DPP9: variants seen among roughly 807,000 people sequenced by gnomAD.
DPP9 encodes dipeptidyl peptidase 9.
DPP9 carries 50 observed loss-of-function variants against 110.7 expected under a neutral mutation model. The ratio of observed to expected loss-of-function variants is 0.45; its 90% CI spans 0.36 to 0.57. The LOEUF is 0.57. Ranked by LOEUF, DPP9 falls within the 20% of genes least tolerant of loss-of-function variation. The probability of loss-of-function intolerance (pLI) is 0.00; values close to 1 mark genes in which losing one functional copy is unlikely to be tolerated. For synonymous variants in DPP9, 561 were observed against 514.4 expected (o/e 1.09, Z -1.23); for missense variants, 1,022 against 1,217.9 (o/e 0.84, Z 2.39).
At position 4,685,826 on chromosome 19, in the gene DPP9, AC is replaced by A; in HGVS notation, c.1886-56del. ...CCCGGGGAAGCCACATCCAGCTGACACCCTTGTTCTCCTGCCCACCCCAAGC... is the reference window on the plus strand; with the variant it reads ...CCCGGGGAAGCCACATCCAGCTGACACCTTGTTCTCCTGCCCACCCCAAGC... On this transcript the variant is annotated intron_variant, in intron 16 of 21. Coordinates refer to ENST00000262960, the MANE Select transcript of DPP9 (RefSeq NM_139159.5). This position sits in a 1 kb window ranked among gnomAD's most constrained non-coding sequence, Gnocchi z 5.8. The A allele has an allele frequency of 6.3e-7, 1 of 1,586,646 alleles. No homozygotes were observed. Among genetic ancestry groups the A allele is most frequent in the Admixed American group, 1.7e-5 (1 of 58,286 alleles).
chr19:4,684,460 G>A lies in DPP9; in HGVS notation c.2178+203C>T. The A allele has an allele frequency of 1.6e-6, 1 of 616,298 alleles. No homozygotes were observed. The highest frequency in any genetic ancestry group is 2.0e-5 in the South Asian group (1 of 49,562). 38.2% of individuals were successfully genotyped at this position (616,298 alleles called of 1,614,324 possible). On this transcript the variant is annotated intron_variant, in intron 18 of 21. Coordinates refer to ENST00000262960, the MANE Select transcript of DPP9 (RefSeq NM_139159.5). This position sits in a 1 kb window ranked among gnomAD's most constrained non-coding sequence, Gnocchi z 4.8. Reference sequence around the variant, plus strand: ...GTCAGCACAACTTGTCTCTGTCCCTGCAGGGCGCAGCCCAGAGCTGAGCAG... The same window carrying A: ...GTCAGCACAACTTGTCTCTGTCCCTACAGGGCGCAGCCCAGAGCTGAGCAG...
intron 18 of DPP9, 77 bp from the exon 19 acceptor site, chr19:4,683,706 T>C: frequency 6.2e-7 from 1 of 1,612,284 alleles, no homozygotes; most frequent in South Asian, 1.1e-5. Context: ...CTCTGCTCCT[T>C]TCAGGGCGTC....
intron 21 of DPP9, 47 bp downstream of exon 21, chr19:4,679,788 G>A: frequency 6.9e-7 from 1 of 1,455,708 alleles, no homozygotes; most frequent in South Asian, 1.2e-5. Flanking sequence ...CCACTCCCAG[G>A]GATCTGTCGG....
rs758508 is a variant in DPP9, at chr19:4,718,690, C to T, written c.56+1161G>A. ...TGCAGATAAGGGAAGGGACACAGAT[C>T]CCCTTCAGTAACTGACCCCTAAGGC... On this transcript the variant is annotated intron_variant, in intron 3 of 21. Coordinates refer to ENST00000262960, the MANE Select transcript of DPP9 (RefSeq NM_139159.5). This position sits in a 1 kb window ranked among gnomAD's most constrained non-coding sequence, Gnocchi z 4.3. 0.028 allele frequency among the ~76,000 whole-genome samples: 4,224 copies of T among 152,250 alleles called. 191 individuals are homozygous for T. The highest frequency in any genetic ancestry group is 0.096 in the African/African-American group (3,969 of 41,532).
intron 8 of DPP9, among the ~76,000 whole-genome samples, 196 bp from the exon 9 acceptor site, chr19:4,702,351 G>T (rs2092315858): frequency 6.6e-6 from 1 of 152,202 alleles, no homozygotes; most frequent in South Asian, 2.1e-4. Context: ...CTGTGCAGTG[G>T]GAAGCAGAGC....
chr19:4,685,517 G>T lies in DPP9; in HGVS notation c.2031+109C>A. The T allele has an allele frequency of 8.0e-7, 1 of 1,256,566 alleles. No homozygotes were observed. The highest frequency in any genetic ancestry group is 1.1e-6 in the Non-Finnish European group (1 of 902,310). 77.8% of individuals were successfully genotyped at this position (1,256,566 alleles called of 1,614,324 possible). ...GGTGGGCTGGGGCACCAGGCAGGTA[G>T]CCGGGGAGCCTCCTCTGGTTGACTG... On this transcript the variant is annotated intron_variant, in intron 17 of 21. Coordinates refer to ENST00000262960, the MANE Select transcript of DPP9 (RefSeq NM_139159.5). This position sits in a 1 kb window ranked among gnomAD's most constrained non-coding sequence, Gnocchi z 5.8.
chr19:4,681,745 T>C (rs1349849306), intron 20 of DPP9, among the ~76,000 whole-genome samples: 1 of 151,998 alleles, frequency 6.6e-6, no homozygotes, highest in African/African-American at 2.4e-5. Context: ...TTTGTATTTT[T>C]TTGTAGAGAC....
chr19:4,700,442 C>T lies in DPP9; in HGVS notation c.1013-165G>A, dbSNP rs1006078856. ...TCCCACGGTCTGTCTGTAGGCACAT[C>T]GTCCTGCTGGAACAGGCATGACACC... On this transcript the variant is annotated intron_variant, in intron 9 of 21. Transcript: ENST00000262960. This position sits in a 1 kb window ranked among gnomAD's most constrained non-coding sequence, Gnocchi z 4.3. Among the ~76,000 whole-genome samples, 2 of 152,198 alleles carry T rather than the reference C, an allele frequency of 1.3e-5. No homozygotes were observed. The highest frequency in any genetic ancestry group is 6.5e-5 in the Admixed American group (1 of 15,282).
rs1248814598 is a variant in DPP9 at position 4,680,041 on chromosome 19, C to T, written c.2475-95G>A. ...GGTCAGGAGTTTGAGACCAGCCTGG[C>T]CAACATGGTGAAACCCTGTCTCTAC... On this transcript the variant is annotated intron_variant, in intron 20 of 21. Transcript: ENST00000262960. 2.6e-5 allele frequency: 22 copies of T among 831,552 alleles called. No homozygotes were observed. The Admixed American group carries it at 4.6e-4, about 18-fold the overall frequency. 51.5% of individuals were successfully genotyped at this position (831,552 alleles called of 1,614,324 possible). A position where few individuals can be genotyped will look rare whatever the true frequency, so the allele number is the denominator to read the frequency against.
intron 2 of DPP9, among the ~76,000 whole-genome samples, chr19:4,720,275 G>A (rs142049076): frequency 6.6e-6 from 1 of 152,220 alleles, no homozygotes; most frequent in African/African-American, 2.4e-5. Context: ...TGTGGCCGTT[G>A]CCTGATGGCC....
At position 4,685,054 on chromosome 19, in the gene DPP9, C is replaced by A. The variant is rs1039378393; in HGVS notation, c.2032-245G>T. The A allele has an allele frequency of 6.0e-6, 4 of 665,616 alleles. No individual in the cohort carries two copies. Among genetic ancestry groups the A allele is most frequent in the Non-Finnish European group, 1.1e-5 (4 of 362,304 alleles). The allele number at this position is 665,616 out of a possible 1,614,324, so 41.2% of individuals were successfully genotyped here. A position where few individuals can be genotyped will look rare whatever the true frequency, so the allele number is the denominator to read the frequency against. ...CTCTTTCTCAGCTGGGCCACTGCCC[C>A]AGTCCTGCCTGGAACAACTACTCTG... On this transcript the variant is annotated intron_variant, in intron 17 of 21. Coordinates refer to ENST00000262960, the MANE Select transcript of DPP9 (RefSeq NM_139159.5). This position sits in a 1 kb window ranked among gnomAD's most constrained non-coding sequence, Gnocchi z 5.8.
rs1051544446 is a variant in DPP9, at chr19:4,698,467, C to T, written c.1075-816G>A. ...GCAAGGAGCCACTAAAACAGCCTGG[C>T]GGGGCCAGGTGCGGTGGCTCACACC... On this transcript the variant is annotated intron_variant, in intron 10 of 21. Coordinates refer to ENST00000262960, the MANE Select transcript of DPP9 (RefSeq NM_139159.5). This position sits in a 1 kb window ranked among gnomAD's most constrained non-coding sequence, Gnocchi z 4.2. Among the ~76,000 whole-genome samples, 1 of 152,178 alleles carries T rather than the reference C, an allele frequency of 6.6e-6. No individual in the cohort carries two copies. Among genetic ancestry groups the T allele is most frequent in the African/African-American group, 2.4e-5 (1 of 41,446 alleles).
intron 4 of DPP9, among the ~76,000 whole-genome samples, chr19:4,709,991 C>G (rs2092756590): frequency 6.6e-6 from 1 of 152,218 alleles, no homozygotes; most frequent in African/African-American, 2.4e-5. Flanking sequence ...CAGCACATTC[C>G]TCGGGCGAGC....
rs2091993760 is a variant in DPP9, at chr19:4,698,620, A to G, written c.1075-969T>C. On this transcript the variant is annotated intron_variant, in intron 10 of 21. Transcript: ENST00000262960. The surrounding 1 kb of genome is among the most constrained non-coding windows in gnomAD (Gnocchi z 4.2). Reference sequence around the variant, plus strand: ...CACAATTAGTTAGGTGTGGTGGTGCATGCCTGTAGTCCCAGCTACTCAAGA... The same window carrying G: ...CACAATTAGTTAGGTGTGGTGGTGCGTGCCTGTAGTCCCAGCTACTCAAGA... 6.6e-6 allele frequency among the ~76,000 whole-genome samples: 1 copy of G among 152,110 alleles called. No individual in the cohort carries two copies. The highest frequency in any genetic ancestry group is 2.1e-4 in the South Asian group (1 of 4,824).
In DPP9 at chr19:4,694,891, T is replaced by A; in HGVS notation, c.1354-68A>T. 1 of 1,515,446 alleles carries A rather than the reference T, an allele frequency of 6.6e-7. No homozygotes were observed. Among genetic ancestry groups the A allele is most frequent in the Non-Finnish European group, 9.1e-7 (1 of 1,104,528 alleles). 93.9% of individuals were successfully genotyped at this position (1,515,446 alleles called of 1,614,324 possible). A position where few individuals can be genotyped will look rare whatever the true frequency, so the allele number is the denominator to read the frequency against. On this transcript the variant is annotated intron_variant, in intron 12 of 21. Transcript: ENST00000262960. The surrounding 1 kb of genome is among the most constrained non-coding windows in gnomAD (Gnocchi z 4.0). ...GGCCGGGCATGGTGGCTCACACCAG[T>A]AATCCCAGTAGTTTGGGAGGCTGGG...
At chr19:4,720,843 G>A (rs865831360) in intron 2 of DPP9, among the ~76,000 whole-genome samples, 6 of 152,272 alleles carry the variant, frequency 3.9e-5, no homozygotes, top group Middle Eastern at 6.8e-3. Context: ...CAACGCCTAC[G>A]CTCATATTAA....
intron 13 of DPP9, among the ~76,000 whole-genome samples, chr19:4,691,611 G>A (rs902806969): frequency 4.6e-5 from 7 of 151,952 alleles, no homozygotes; most frequent in African/African-American, 1.7e-4. Context: ...GGGAGTGTGG[G>A]GGAGGAGCCA....
intron 13 of DPP9, 99 bp from the exon 14 acceptor site, chr19:4,691,056 A>G: frequency 1.1e-6 from 1 of 881,422 alleles, no homozygotes; most frequent in Non-Finnish European, 1.8e-6. Context: ...CTCACCATGG[A>G]GCCACTGAAA....
intron 8 of DPP9, 118 bp from the exon 9 acceptor site, chr19:4,702,273 A>G: frequency 7.4e-7 from 1 of 1,357,312 alleles, no homozygotes; most frequent in Non-Finnish European, 9.9e-7. Context: ...CTCTGAAACC[A>G]GAACCCCGGC....
Sources: allele counts gnomAD v4.1 joint callset (sites outside exome capture counted in the v4.1 genomes callset), GRCh38; gene constraint gnomAD v4.1.1; non-coding constraint Gnocchi (gnomAD v3.1); transcripts MANE v1.5; gene names NCBI Gene and HGNC (gene_info 2026-07-23, HGNC 2026-07-21).